The following TNIK variants were observed in gnomAD, a reference collection of about 807,000 sequenced individuals.
TNIK encodes the protein TRAF2 and NCK interacting kinase, also known as TRAF2 and NCK-interacting protein kinase.
In TNIK, 49 loss-of-function variants were observed where a neutral mutation model predicts 191.3. The observed-to-expected ratio is 0.26, with a 90% CI of 0.20 to 0.32. The LOEUF is 0.32. TNIK is among the 10% of genes least tolerant of loss of function. The pLI, the probability that TNIK is intolerant of heterozygous loss-of-function variation, is 1.00. For missense variants in TNIK, 1,155 were observed against 1,702.3 expected (o/e 0.68, Z 5.66); for synonymous variants, 594 against 600.9 (o/e 0.99, Z 0.17).
intron 9 of TNIK, among the ~76,000 whole-genome samples, chr3:171,168,084 G>C (rs1482269258): frequency 6.6e-6 from 1 of 152,230 alleles, no homozygotes; most frequent in Non-Finnish European, 1.5e-5. Flanking sequence ...GAGCTGGCGA[G>C]AGATACCATA....
At chr3:171,420,565 A>G (rs957963962) in intron 1 of TNIK, among the ~76,000 whole-genome samples, 1 of 152,162 alleles carries the variant, frequency 6.6e-6, no homozygotes, top group Non-Finnish European at 1.5e-5. Flanking sequence ...GATGCCTGAA[A>G]CCAAGAATAC....
intron 2 of TNIK, among the ~76,000 whole-genome samples, chr3:171,235,382 C>A (rs1227151266): frequency 1.3e-5 from 2 of 152,150 alleles, no homozygotes; most frequent in African/African-American, 4.8e-5. Context: ...GGAGGACTAA[C>A]CCCCCTAGGT....
chr3:171,329,225 C>T (rs1403872884), intron 2 of TNIK, among the ~76,000 whole-genome samples: 1 of 152,006 alleles, frequency 6.6e-6, no homozygotes, highest in Non-Finnish European at 1.5e-5. Context: ...CTGGTCCCTA[C>T]TAAGTGCTCA....
intron 12 of TNIK, among the ~76,000 whole-genome samples, chr3:171,144,971 T>C (rs1731336838): frequency 6.6e-6 from 1 of 152,246 alleles, no homozygotes; most frequent in South Asian, 2.1e-4. Context: ...TACTTCATTG[T>C]ATGTAAGTAC....
At chr3:171,439,761 C>T (rs1726524180) in intron 1 of TNIK, 1 of 152,228 alleles carries the variant, frequency 6.6e-6, no homozygotes, top group Non-Finnish European at 1.5e-5. Context: ...AAGCTTAGGA[C>T]CAAATCCTGG....
chr3:171,069,072 G>A (rs2108314237), intron 29 of TNIK, 75 bp from the exon 30 acceptor site: 1 of 1,484,208 alleles, frequency 6.7e-7, no homozygotes, highest in Non-Finnish European at 9.0e-7. Context: ...CCACTGTCTA[G>A]AGGAAGTTAA....
At chr3:171,301,909 G>A (rs1173565531) in intron 2 of TNIK, among the ~76,000 whole-genome samples, 1 of 152,088 alleles carries the variant, frequency 6.6e-6, no homozygotes, top group Non-Finnish European at 1.5e-5. Context: ...ATAGCATGAT[G>A]TCTGCAACTT....
intron 2 of TNIK, among the ~76,000 whole-genome samples, chr3:171,229,808 ACAGTAGGT>A (rs1743390931): frequency 1.3e-5 from 2 of 152,032 alleles, no homozygotes; most frequent in South Asian, 4.2e-4. Flanking sequence ...AAAGAAGGGG[ACAGTAGGT>A]CAGTAATCCA....
intron 2 of TNIK, among the ~76,000 whole-genome samples, chr3:171,327,438 A>G (rs535777928): frequency 9.8e-5 from 15 of 152,306 alleles, no homozygotes; most frequent in African/African-American, 2.9e-4. Context: ...GTTCTACCCA[A>G]TAGCCTATGG....
intron 4 of TNIK, among the ~76,000 whole-genome samples, chr3:171,203,263 G>T (rs1373133786): frequency 6.6e-6 from 1 of 152,156 alleles, no homozygotes; most frequent in Non-Finnish European, 1.5e-5. Context: ...AGGAGTTGTG[G>T]CCAACATCAA....
Position 171,211,125 on chromosome 3 carries a change from G to C in TNIK, c.297C>G (p.Asp99Glu), listed in dbSNP as rs1740763047. 1 of 1,612,284 alleles carries C rather than the reference G, an allele frequency of 6.2e-7. No homozygotes were observed. The highest frequency in any genetic ancestry group is 1.3e-5 in the African/African-American group (1 of 74,842). ...GGACGGCAGTACATACCCAAAGTTG[G>C]TCATCCATGCCTGGTGGGTTCTTTT... ...FIKKNPPGMD[D>E]QLWLVMEFCG... The change falls in exon 4 of 33, where the codon GAC becomes GAG. Residue 99 changes from aspartate (D) to glutamate (E), a missense_variant. Physicochemically the swap from Asp to Glu is conservative, Grantham distance 45 (BLOSUM62 2). This residue lies in a region of TNIK where 225 missense variants were observed against 438.9 expected (regional missense o/e 0.51). Coordinates refer to ENST00000436636, the MANE Select transcript of TNIK (RefSeq NM_015028.4).
intron 4 of TNIK, among the ~76,000 whole-genome samples, chr3:171,210,086 A>T (rs73879510): frequency 6.6e-6 from 1 of 152,304 alleles, no homozygotes; most frequent in African/African-American, 2.4e-5. Flanking sequence ...CAAGACAGTA[A>T]GAGGTTAAAA....
intron 1 of TNIK, among the ~76,000 whole-genome samples, chr3:171,422,242 T>A (rs1456840940): frequency 6.6e-6 from 1 of 152,154 alleles, no homozygotes; most frequent in Non-Finnish European, 1.5e-5. Context: ...ACATTAATTT[T>A]AATGCACTCT....
rs1434133028 is a variant in TNIK at position 171,258,551 on chromosome 3, T to C, written c.124-30330A>G. On this transcript the variant is annotated intron_variant, in intron 2 of 32. Transcript: ENST00000436636. ...CTCACAACTGCCTGTAGCAACTACA[T>C]AAGGAACCCACGAGACCAGTAAAGA... is the stretch of plus-strand genomic sequence containing the variant. Among the ~76,000 whole-genome samples, 3 of 152,142 alleles carry C rather than the reference T, an allele frequency of 2.0e-5. No individual in the cohort carries two copies. The East Asian group carries it at 5.8e-4, about 29-fold the overall frequency.
intron 28 of TNIK, among the ~76,000 whole-genome samples, chr3:171,075,955 C>T (rs1560075503): frequency 6.6e-6 from 1 of 152,166 alleles, no homozygotes; most frequent in Admixed American, 6.5e-5. Flanking sequence ...CCAGGCTGGT[C>T]TCAAATACCT....
intron 1 of TNIK, among the ~76,000 whole-genome samples, chr3:171,420,646 G>A (rs1723681386): frequency 6.6e-6 from 1 of 152,126 alleles, no homozygotes; most frequent in Admixed American, 6.5e-5. Context: ...TATAAATTAA[G>A]CACAATGTGA....
At chr3:171,324,284 T>C (rs2108344475) in intron 2 of TNIK, among the ~76,000 whole-genome samples, 1 of 152,284 alleles carries the variant, frequency 6.6e-6, no homozygotes, top group Non-Finnish European at 1.5e-5. Flanking sequence ...AACTGAACTC[T>C]GTGAGGACAT....
At chr3:171,204,414 A>C (rs571119008) in intron 4 of TNIK, among the ~76,000 whole-genome samples, 1 of 152,374 alleles carries the variant, frequency 6.6e-6, no homozygotes, top group Non-Finnish European at 1.5e-5. Flanking sequence ...CCTGTCCTCC[A>C]GCCATAGCAA....
At chr3:171,319,786 G>C (rs1358897441) in intron 2 of TNIK, among the ~76,000 whole-genome samples, 1 of 152,066 alleles carries the variant, frequency 6.6e-6, no homozygotes, top group Non-Finnish European at 1.5e-5. Flanking sequence ...AAGAGACTGA[G>C]GTATTCTCCA....
Sources: allele counts gnomAD v4.1 joint callset (sites outside exome capture counted in the v4.1 genomes callset), GRCh38; gene constraint gnomAD v4.1.1; regional missense constraint gnomAD v4.1.1; transcripts MANE v1.5; gene names NCBI Gene and HGNC (gene_info 2026-07-23, HGNC 2026-07-21).